Variants in DSCAM observed in about 807,000 individuals in gnomAD.
DSCAM encodes cell adhesion molecule DSCAM.
Under a neutral mutation model 217.7 loss-of-function variants are expected in DSCAM, and 47 were observed. The ratio of observed to expected loss-of-function variants is 0.22; its 90% confidence interval spans 0.17 to 0.28. DSCAM has a LOEUF of 0.28. Among genes scored for constraint, DSCAM ranks in the 10% least tolerant of loss-of-function variants. The pLI is 1.00. For missense variants in DSCAM, 2,080 were observed against 2,618.3 expected, an observed-to-expected ratio of 0.79 and a Z score of 4.49; for synonymous variants, 1,056 against 1,015.3, an observed-to-expected ratio of 1.04 and a Z score of -0.76.
intron 3 of DSCAM, among the ~76,000 whole-genome samples, chr21:40,657,331 T>C (rs1251198243): frequency 2.0e-5 from 3 of 152,218 alleles, no homozygotes; most frequent in Non-Finnish European, 4.4e-5. Flanking sequence ...AATATATCAA[T>C]AATTAGCCCT....
intron 3 of DSCAM, among the ~76,000 whole-genome samples, chr21:40,452,233 A>G (rs1476485169): frequency 1.5e-5 from 1 of 68,662 alleles, no homozygotes; most frequent in African/African-American, 7.3e-5. Flanking sequence ...TGTATACACT[A>G]TATTACACAC....
At chr21:40,663,268 G>GTGTGT (rs113634212) in intron 3 of DSCAM, among the ~76,000 whole-genome samples, 16 of 42,754 alleles carry the variant, frequency 3.7e-4, no homozygotes, top group African/African-American at 1.1e-3. Context: ...GTGTGTGTGT[G>GTGTGT]GGGGGGGTGT....
Position 40,167,291 on chromosome 21 carries a change from G to A in DSCAM, c.2948-3C>T. On this transcript the variant is annotated splice_polypyrimidine_tract_variant and splice_region_variant and intron_variant, in intron 15 of 32. Coordinates refer to ENST00000400454, the MANE Select transcript of DSCAM (RefSeq NM_001389.5). Reference sequence around the variant, plus strand: ...TTCCTGAGGTGGACCATCAGGAGCTGTAAGGACCAAAAACCCACAGGCAGG... The same window carrying A: ...TTCCTGAGGTGGACCATCAGGAGCTATAAGGACCAAAAACCCACAGGCAGG... 6.2e-7 allele frequency: 1 copy of A among 1,614,018 alleles called. No homozygotes were observed. Among genetic ancestry groups the A allele is most frequent in the Non-Finnish European group, 8.5e-7 (1 of 1,179,974 alleles).
intron 1 of DSCAM, among the ~76,000 whole-genome samples, chr21:40,772,627 G>A (rs959860397): frequency 6.6e-6 from 1 of 152,186 alleles, no homozygotes; most frequent in Non-Finnish European, 1.5e-5. Context: ...CCAACTGCCT[G>A]TCTTGGTTTG....
intron 3 of DSCAM, among the ~76,000 whole-genome samples, chr21:40,480,439 T>C (rs888938763): frequency 3.9e-5 from 6 of 152,218 alleles, no homozygotes; most frequent in African/African-American, 1.4e-4. Flanking sequence ...GTCTTGTTCA[T>C]AGCCTCACAC....
intron 3 of DSCAM, among the ~76,000 whole-genome samples, chr21:40,681,411 C>A (rs1167821497): frequency 6.6e-6 from 1 of 152,084 alleles, no homozygotes; most frequent in Non-Finnish European, 1.5e-5. Flanking sequence ...GCTGCAGGGA[C>A]CCACAGGACC....
intron 3 of DSCAM, among the ~76,000 whole-genome samples, chr21:40,441,410 G>A (rs1408481070): frequency 6.6e-6 from 1 of 152,126 alleles, no homozygotes; most frequent in Non-Finnish European, 1.5e-5. Context: ...ATTATTCATT[G>A]TGACTTAGTT....
At chr21:40,790,868 G>A (rs777736708) in intron 1 of DSCAM, among the ~76,000 whole-genome samples, 6 of 152,104 alleles carry the variant, frequency 3.9e-5, no homozygotes, top group African/African-American at 7.2e-5. Context: ...ACAGGGAAAA[G>A]GTCTTCATAG....
chr21:40,106,963 T>C (rs994629969), intron 20 of DSCAM, among the ~76,000 whole-genome samples: 3 of 152,128 alleles, frequency 2.0e-5, no homozygotes, highest in Non-Finnish European at 4.4e-5. Context: ...TTCATGTCTC[T>C]ATCTCCTTCT....
chr21:40,063,313 T>C (rs11701316), intron 27 of DSCAM, among the ~76,000 whole-genome samples: 46,385 of 151,960 alleles, frequency 0.31, 7,331 homozygotes, highest in Non-Finnish European at 0.34. Context: ...GAGCTCTGAG[T>C]TCCTTGGGTT....
intron 16 of DSCAM, among the ~76,000 whole-genome samples, chr21:40,146,871 A>G (rs2837458): frequency 6.6e-6 from 1 of 152,128 alleles, no homozygotes; most frequent in Admixed American, 6.5e-5. Context: ...TCAAGATTCT[A>G]TGTTTTGAAA....
chr21:40,819,335 G>A (rs1046694031), intron 1 of DSCAM, among the ~76,000 whole-genome samples: 5 of 152,168 alleles, frequency 3.3e-5, no homozygotes, highest in Non-Finnish European at 5.9e-5. Flanking sequence ...CCCAGGCAGG[G>A]GAGCTTTTCA....
intron 3 of DSCAM, among the ~76,000 whole-genome samples, chr21:40,519,874 G>A (rs540546095): frequency 6.6e-6 from 1 of 151,900 alleles, no homozygotes; most frequent in Non-Finnish European, 1.5e-5. Flanking sequence ...GCGTGTGTGT[G>A]TGTGTCCATA....
rs1343793771 is a variant in DSCAM, at chr21:40,250,913, G to T, written c.2356+25184C>A. Among the ~76,000 whole-genome samples, 7 of 152,356 alleles carry T rather than the reference G, an allele frequency of 4.6e-5. No homozygotes were observed. In the East Asian group the frequency reaches 1.2e-3, roughly 25 times the overall value. ...GCATCTCCAAGACCCTGTCCTTCTTGGCGTCTTTCCCTGCTTATCAGACCA... is the reference window on the plus strand; with the variant it reads ...GCATCTCCAAGACCCTGTCCTTCTTTGCGTCTTTCCCTGCTTATCAGACCA... On this transcript the variant is annotated intron_variant, in intron 11 of 32. Transcript: ENST00000400454.
At chr21:40,765,810 G>A (rs2091382292) in intron 1 of DSCAM, among the ~76,000 whole-genome samples, 1 of 152,216 alleles carries the variant, frequency 6.6e-6, no homozygotes, top group Non-Finnish European at 1.5e-5. Flanking sequence ...ATCAGTGCCT[G>A]TTATCAACAG....
chr21:40,799,777 A>T (rs1462013965), intron 1 of DSCAM, among the ~76,000 whole-genome samples: 1 of 152,190 alleles, frequency 6.6e-6, no homozygotes, highest in Non-Finnish European at 1.5e-5. Flanking sequence ...TCTTGTGATT[A>T]CATTAGGCTT....
chr21:40,804,589 G>A (rs1317389455), intron 1 of DSCAM, among the ~76,000 whole-genome samples: 2 of 151,940 alleles, frequency 1.3e-5, no homozygotes, highest in Admixed American at 6.6e-5. Context: ...TCATTTCTCA[G>A]CCACTTTGCA....
intron 3 of DSCAM, among the ~76,000 whole-genome samples, chr21:40,559,937 C>T (rs1484723445): frequency 1.3e-5 from 2 of 151,840 alleles, no homozygotes; most frequent in African/African-American, 4.8e-5. Context: ...GGGCTACAGG[C>T]GCCCAACTAC....
chr21:40,160,949 G>T (rs764918976), intron 16 of DSCAM, among the ~76,000 whole-genome samples: 18 of 152,178 alleles, frequency 1.2e-4, no homozygotes, highest in African/African-American at 1.7e-4. Flanking sequence ...TCCTGTCAAG[G>T]CCACTCTGCT....
Sources: gnomAD v4.1 joint callset for allele counts (sites outside exome capture counted in the v4.1 genomes callset) on GRCh38, gnomAD v4.1.1 for gene constraint, MANE v1.5 for transcripts, NCBI Gene and HGNC (gene_info 2026-07-23, HGNC 2026-07-21) for gene names.